LYPLAL1: variants seen among roughly 807,000 people sequenced by gnomAD.
The protein encoded by LYPLAL1 is lysophospholipase-like protein 1.
Under a neutral mutation model 19.7 loss-of-function variants are expected in LYPLAL1, and 23 were observed. The ratio of observed to expected loss-of-function variants is 1.17; its 90% CI spans 0.84 to 1.65. The LOEUF is 1.65. Ranked by LOEUF, LYPLAL1 falls within the 40% of genes most tolerant of loss-of-function variation. LYPLAL1 has a pLI of 0.00. For synonymous variants in LYPLAL1, 119 were observed against 96.3 expected, an observed-to-expected ratio of 1.24 and a Z score of -1.38; for missense variants, 355 against 279.4, an observed-to-expected ratio of 1.27 and a Z score of -1.93.
chr1:219,366,469 G>T, the LYPLAL1 span, among the ~76,000 whole-genome samples: 1 of 152,148 alleles, frequency 6.6e-6, no homozygotes, highest in African/African-American at 2.4e-5. Context: ...TGTATTCCTT[G>T]CTCGTGTGAC....
At chr1:219,413,722 C>T in the LYPLAL1 span, among the ~76,000 whole-genome samples, 2 of 152,144 alleles carry the variant, frequency 1.3e-5, no homozygotes, top group Non-Finnish European at 2.9e-5. Context: ...ATCCATTAGC[C>T]CTGCCAAAGT....
the LYPLAL1 span, among the ~76,000 whole-genome samples, chr1:219,400,499 C>CTT: frequency 4.2e-4 from 60 of 144,350 alleles, 1 homozygote; most frequent in African/African-American, 1.3e-3. Context: ...GTCTATCTAT[C>CTT]TTTTTTTTTT....
chr1:219,181,312 C>G (rs1334047857), intron 2 of LYPLAL1, among the ~76,000 whole-genome samples: 1 of 152,064 alleles, frequency 6.6e-6, no homozygotes, highest in Non-Finnish European at 1.5e-5. Flanking sequence ...CATTTACGTG[C>G]TTCATAACCT....
the LYPLAL1 span, among the ~76,000 whole-genome samples, chr1:219,245,175 CCCTTCCTTCCTT>C: frequency 0.13 from 17,628 of 132,402 alleles, 1,308 homozygotes; most frequent in African/African-American, 0.15. Flanking sequence ...CCTCTTCCAT[CCCTTCCTTCCTT>C]CCTTCCTTCC....
At chr1:219,250,513 T>TA in the LYPLAL1 span, among the ~76,000 whole-genome samples, 1 of 151,952 alleles carries the variant, frequency 6.6e-6, no homozygotes, top group Non-Finnish European at 1.5e-5. Context: ...GTTACATAGG[T>TA]AAACATGTGT....
chr1:219,216,766 C>T (rs1659303965), downstream of LYPLAL1, among the ~76,000 whole-genome samples: 1 of 152,094 alleles, frequency 6.6e-6, no homozygotes, highest in East Asian at 1.9e-4. Context: ...GGACTCCCAG[C>T]TCAGTATCCT....
chr1:219,240,847 A>T, the LYPLAL1 span, among the ~76,000 whole-genome samples: 73 of 151,392 alleles, frequency 4.8e-4, no homozygotes, highest in South Asian at 1.7e-3. Flanking sequence ...ACTACATTGG[A>T]CTCTTTCCCA....
chr1:219,353,872 T>C, the LYPLAL1 span, among the ~76,000 whole-genome samples: 2 of 152,070 alleles, frequency 1.3e-5, no homozygotes. Context: ...AAAATCACTA[T>C]TATAAATGTT....
the LYPLAL1 span, among the ~76,000 whole-genome samples, chr1:219,443,054 G>A: frequency 1.3e-5 from 2 of 150,880 alleles, no homozygotes; most frequent in Non-Finnish European, 2.9e-5. Flanking sequence ...TTAAAATAAT[G>A]CTATGCAATT....
the LYPLAL1 span, among the ~76,000 whole-genome samples, chr1:219,245,234 T>G: frequency 2.5e-4 from 32 of 130,082 alleles, no homozygotes; most frequent in African/African-American, 8.3e-4. Flanking sequence ...CCTTCCTTCC[T>G]TCTACAGTTC....
At chr1:219,379,813 T>C in the LYPLAL1 span, among the ~76,000 whole-genome samples, 1 of 152,270 alleles carries the variant, frequency 6.6e-6, no homozygotes, top group Non-Finnish European at 1.5e-5. Context: ...ACATGTCAGT[T>C]CTTTCAGGAT....
intron 1 of LYPLAL1, among the ~76,000 whole-genome samples, chr1:219,178,567 A>G (rs912944360): frequency 2.6e-5 from 4 of 152,188 alleles, no homozygotes; most frequent in Non-Finnish European, 5.9e-5. Context: ...ATTAATATTT[A>G]TATGGCTTTT....
chr1:219,441,588 T>C, the LYPLAL1 span, among the ~76,000 whole-genome samples: 1 of 152,220 alleles, frequency 6.6e-6, no homozygotes, highest in Admixed American at 6.5e-5. Context: ...TAATAGAGTA[T>C]TAGAAGGGCC....
the LYPLAL1 span, among the ~76,000 whole-genome samples, chr1:219,339,301 T>C: frequency 6.6e-6 from 1 of 152,038 alleles, no homozygotes; most frequent in Admixed American, 6.6e-5. Context: ...TTACTTGATT[T>C]CTCTGAGCCT....
At chr1:219,315,702 G>A in the LYPLAL1 span, among the ~76,000 whole-genome samples, 1 of 152,140 alleles carries the variant, frequency 6.6e-6, no homozygotes, top group African/African-American at 2.4e-5. Context: ...TCCAGGATAT[G>A]AACTGTTGGG....
At chr1:219,263,705 G>T in the LYPLAL1 span, among the ~76,000 whole-genome samples, 1 of 152,122 alleles carries the variant, frequency 6.6e-6, no homozygotes, top group African/African-American at 2.4e-5. Flanking sequence ...TGCCTACAGG[G>T]CTCTTCCTGC....
chr1:219,188,375 T>G (rs934225131), intron 2 of LYPLAL1, among the ~76,000 whole-genome samples: 4 of 151,786 alleles, frequency 2.6e-5, no homozygotes, highest in African/African-American at 7.2e-5. Flanking sequence ...AAGGTGACAC[T>G]TGAGCTGAGA....
At chr1:219,277,900 A>G in the LYPLAL1 span, among the ~76,000 whole-genome samples, 18 of 139,050 alleles carry the variant, frequency 1.3e-4, no homozygotes, top group Non-Finnish European at 2.3e-4. Flanking sequence ...TTCCAGATCC[A>G]CTGTTTCCAA....
chr1:219,205,367 A>G (rs539282828), intron 3 of LYPLAL1, among the ~76,000 whole-genome samples: 1 of 151,072 alleles, frequency 6.6e-6, no homozygotes, highest in Non-Finnish European at 1.5e-5. Flanking sequence ...CCGTCTCAAA[A>G]AAAAAAAAAA....
Sources: gnomAD v4.1 joint callset for allele counts (sites outside exome capture counted in the v4.1 genomes callset) on GRCh38, gnomAD v4.1.1 for gene constraint, MANE v1.5 for transcripts, NCBI Gene and HGNC (gene_info 2026-07-23, HGNC 2026-07-21) for gene names.